Variants in SEPHS1 observed in about 807,000 individuals in gnomAD.
The protein encoded by SEPHS1 is selenophosphate synthetase 1.
SEPHS1 carries 7 observed loss-of-function variants against 39.2 expected under a neutral mutation model. The ratio of observed to expected loss-of-function variants is 0.18; its 90% CI spans 0.10 to 0.34. The LOEUF is 0.34. Ranked by LOEUF, SEPHS1 falls within the 10% of genes least tolerant of loss-of-function variation. The probability of loss-of-function intolerance (pLI) is 1.00; values close to 1 mark genes in which losing one functional copy is unlikely to be tolerated. For synonymous variants in SEPHS1, 190 were observed against 195.5 expected, an observed-to-expected ratio of 0.97 and a Z score of 0.23; for missense variants, 253 against 514.5, an observed-to-expected ratio of 0.49 and a Z score of 4.92.
At chr10:13,327,454 G>C (rs1342659138) in intron 7 of SEPHS1, among the ~76,000 whole-genome samples, 1 of 152,046 alleles carries the variant, frequency 6.6e-6, no homozygotes, top group Non-Finnish European at 1.5e-5. Flanking sequence ...ATGCTAGCCG[G>C]AGCTGTTTTG....
chr10:13,339,392 T>C (rs7914142), intron 2 of SEPHS1, among the ~76,000 whole-genome samples: 13,744 of 152,128 alleles, frequency 0.09, 2,018 homozygotes, highest in African/African-American at 0.31. Flanking sequence ...AGCCTGGATA[T>C]AAACACTCTG....
intron 4 of SEPHS1, 31 bp from the exon 5 acceptor site, chr10:13,334,002 C>A: frequency 6.3e-7 from 1 of 1,577,366 alleles, no homozygotes; most frequent in South Asian, 1.2e-5. Context: ...AATAAAAAGT[C>A]AAAGAATTCT....
chr10:13,341,051 A>AT (rs1040089243), intron 2 of SEPHS1, among the ~76,000 whole-genome samples: 1 of 152,174 alleles, frequency 6.6e-6, no homozygotes, highest in Admixed American at 6.5e-5. Flanking sequence ...ATTCCACCTG[A>AT]TTTTTGTTAT....
chr10:13,326,081 C>T (rs541014793), intron 7 of SEPHS1, among the ~76,000 whole-genome samples: 3 of 152,054 alleles, frequency 2.0e-5, no homozygotes, highest in East Asian at 3.9e-4. Context: ...ATAAGATCTG[C>T]ATCCAGAATA....
At chr10:13,331,562 T>C (rs771687091) in intron 5 of SEPHS1, among the ~76,000 whole-genome samples, 4 of 152,102 alleles carry the variant, frequency 2.6e-5, no homozygotes, top group Non-Finnish European at 5.9e-5. Context: ...TTTGTATTTT[T>C]AGTAGAGACA....
At chr10:13,336,555 A>C (rs1833642096) in intron 3 of SEPHS1, 1 of 595,858 alleles carries the variant, frequency 1.7e-6, no homozygotes, top group Admixed American at 2.9e-5. Flanking sequence ...TTTTTCTCAG[A>C]CATTCCTGTT....
Position 13,321,874 on chromosome 10 carries a change from C to A in SEPHS1, c.964+961G>T, listed in dbSNP as rs532144651. On this transcript the variant is annotated intron_variant, in intron 8 of 8. Transcript: ENST00000327347. ...CACAAGTTCCGGACAGATGTGGCCA[C>A]CAAATTAATCAGGAAACAAAAGGAG... Among the ~76,000 whole-genome samples, 3 of 152,118 alleles carry A rather than the reference C, an allele frequency of 2.0e-5. No individual in the cohort carries two copies. In the East Asian group the frequency reaches 5.8e-4, roughly 29 times the overall value.
At chr10:13,330,452 G>T (rs1365045143) in intron 5 of SEPHS1, among the ~76,000 whole-genome samples, 1 of 152,128 alleles carries the variant, frequency 6.6e-6, no homozygotes, top group Non-Finnish European at 1.5e-5. Flanking sequence ...GAGACAGAAG[G>T]CAATACTAAA....
intron 8 of SEPHS1, among the ~76,000 whole-genome samples, chr10:13,320,461 G>A (rs1340998029): frequency 3.9e-5 from 6 of 151,964 alleles, no homozygotes; most frequent in Non-Finnish European, 7.4e-5. Flanking sequence ...GATTACAGGC[G>A]TGAGCCACTG....
chr10:13,323,503 C>T (rs554976223), intron 7 of SEPHS1, among the ~76,000 whole-genome samples: 2 of 152,068 alleles, frequency 1.3e-5, no homozygotes, highest in African/African-American at 4.8e-5. Context: ...TACAGGTGCG[C>T]ACCACCACGC....
intron 5 of SEPHS1, among the ~76,000 whole-genome samples, chr10:13,331,393 C>G (rs1833464293): frequency 6.7e-6 from 1 of 150,240 alleles, no homozygotes; most frequent in Non-Finnish European, 1.5e-5. Context: ...AATTCTAGAT[C>G]TTTTTTTTTT....
At chr10:13,347,328 G>C (rs1588553214) in intron 1 of SEPHS1, 1 of 152,032 alleles carries the variant, frequency 6.6e-6, no homozygotes, top group East Asian at 1.9e-4. Context: ...GCCCGCGTCG[G>C]AGGCGGCCGG....
chr10:13,329,795 A>G lies in SEPHS1; in HGVS notation c.561-7T>C. 2 of 1,602,758 alleles carry G rather than the reference A, an allele frequency of 1.2e-6. No homozygotes were observed. The highest frequency in any genetic ancestry group is 1.7e-6 in the Non-Finnish European group (2 of 1,174,684). ...TGGCACTGCATTGTCTGGCCTGAAG[A>G]AAAGAAAAGGGCATGTTCTAGTCAA... On this transcript the variant is annotated splice_polypyrimidine_tract_variant and splice_region_variant and intron_variant, in intron 5 of 8. Transcript: ENST00000327347.
At chr10:13,341,598 G>C (rs1190821115) in intron 2 of SEPHS1, among the ~76,000 whole-genome samples, 1 of 152,120 alleles carries the variant, frequency 6.6e-6, no homozygotes. Flanking sequence ...AGCTGTTTTG[G>C]TTAACCCTTC....
intron 5 of SEPHS1, 124 bp from the exon 6 acceptor site, chr10:13,329,912 G>T: frequency 1.3e-6 from 1 of 795,564 alleles, no homozygotes; most frequent in Non-Finnish European, 2.0e-6. Context: ...TTAAATTGAA[G>T]CCAACTACCA....
At chr10:13,341,236 A>T (rs1277938006) in intron 2 of SEPHS1, among the ~76,000 whole-genome samples, 2 of 152,130 alleles carry the variant, frequency 1.3e-5, no homozygotes, top group Non-Finnish European at 2.9e-5. Context: ...CTAGCGTTTG[A>T]AATGGAAAGA....
chr10:13,327,844 A>C (rs1429369224), intron 7 of SEPHS1, among the ~76,000 whole-genome samples: 3 of 152,238 alleles, frequency 2.0e-5, no homozygotes, highest in Non-Finnish European at 4.4e-5. Flanking sequence ...AACAATGGTG[A>C]ACAAAACAAG....
rs367745623 is a variant in SEPHS1 at position 13,328,321 on chromosome 10, G to A, written c.751+30C>T. ...AGACATTTACTGTCTTGGACCCCTG[G>A]GACCGAAGCGCCCTTCCCACCTGTC... On this transcript the variant is annotated intron_variant, in intron 7 of 8. Transcript: ENST00000327347. 5.5e-6 allele frequency: 8 copies of A among 1,447,908 alleles called. No homozygotes were observed. The African/African-American group carries it at 1.1e-4, about 20-fold the overall frequency. The allele number at this position is 1,447,908 out of a possible 1,614,324, so 89.7% of individuals were successfully genotyped here.
In SEPHS1 at chr10:13,330,694, T is replaced by C. The variant is rs1002738714; in HGVS notation, c.561-906A>G. On this transcript the variant is annotated intron_variant, in intron 5 of 8. Coordinates refer to ENST00000327347, the MANE Select transcript of SEPHS1 (RefSeq NM_012247.5). ...ACACCCAGCTCCCCAGCTCAACCTA[T>C]ACCATTTGTATCCACTCTCAGCTTT... is the stretch of plus-strand genomic sequence containing the variant. Among the ~76,000 whole-genome samples, 43 of 152,220 alleles carry C rather than the reference T, an allele frequency of 2.8e-4. No individual in the cohort carries two copies. In the East Asian group the frequency reaches 3.3e-3, roughly 12 times the overall value.
Sources: allele counts gnomAD v4.1 joint callset (sites outside exome capture counted in the v4.1 genomes callset), GRCh38; gene constraint gnomAD v4.1.1; transcripts MANE v1.5; gene names NCBI Gene and HGNC (gene_info 2026-07-23, HGNC 2026-07-21).